The following ELAVL4 variants were observed in gnomAD, a reference collection of about 807,000 sequenced individuals.
The protein encoded by ELAVL4 is ELAV-like protein 4.
ELAVL4 carries 1 observed loss-of-function variant against 35.6 expected under a neutral mutation model. The observed-to-expected ratio is 0.03, with a 90% confidence interval of 0.01 to 0.13. The LOEUF (loss-of-function observed/expected upper bound fraction) is 0.13, where lower values mean the gene tolerates loss of function less well. ELAVL4 is among the 10% of genes least tolerant of loss of function. The pLI is 1.00. For missense variants in ELAVL4, 267 were observed against 464.9 expected (o/e 0.57, Z 3.91); for synonymous variants, 156 against 171.0 (o/e 0.91, Z 0.69).
At chr1:50,168,468 A>G (rs922968776) in intron 2 of ELAVL4, among the ~76,000 whole-genome samples, 3 of 152,304 alleles carry the variant, frequency 2.0e-5, no homozygotes, top group Middle Eastern at 3.4e-3. Flanking sequence ...CTTTCTCTAC[A>G]AGAGATAAGA....
In ELAVL4 at chr1:50,109,183, A is replaced by G; in HGVS notation, c.-7A>G. The stretch of plus-strand genomic sequence containing the variant: ...AGCTCTGCGAGACCCAATATTTGCC[A>G]ATAAGAATGGTTATGGTAGGTATGA... On this transcript the variant is annotated 5_prime_UTR_variant, in exon 1 of 7. Transcript: ENST00000371824. 2 of 1,611,972 alleles carry G rather than the reference A, an allele frequency of 1.2e-6. No homozygotes were observed. The highest frequency in any genetic ancestry group is 1.7e-6 in the Non-Finnish European group (2 of 1,179,094).
intron 6 of ELAVL4, among the ~76,000 whole-genome samples, chr1:50,199,527 A>C (rs757271077): frequency 6.6e-6 from 1 of 152,100 alleles, no homozygotes; most frequent in Non-Finnish European, 1.5e-5. Context: ...CCAACATGGC[A>C]AAACCCCGTC....
chr1:50,164,981 T>A (rs1677485568), intron 2 of ELAVL4, among the ~76,000 whole-genome samples: 1 of 152,194 alleles, frequency 6.6e-6, no homozygotes, highest in South Asian at 2.1e-4. Flanking sequence ...TTGCTCCCAG[T>A]CTAGCGGGGA....
At chr1:50,178,169 C>T (rs1398560826) in intron 3 of ELAVL4, among the ~76,000 whole-genome samples, 1 of 152,210 alleles carries the variant, frequency 6.6e-6, no homozygotes, top group East Asian at 1.9e-4. Flanking sequence ...CCCCATCTTT[C>T]ATAGCCTATT....
intron 1 of ELAVL4, among the ~76,000 whole-genome samples, chr1:50,073,107 C>T (rs1359331826): frequency 6.6e-6 from 1 of 152,194 alleles, no homozygotes; most frequent in Non-Finnish European, 1.5e-5. Flanking sequence ...GCTGTCTTCA[C>T]CTGTGCATTC....
At chr1:50,074,484 C>T (rs1478391398) in intron 1 of ELAVL4, among the ~76,000 whole-genome samples, 2 of 152,308 alleles carry the variant, frequency 1.3e-5, no homozygotes, top group African/African-American at 4.8e-5. Flanking sequence ...AGGTCAGCAA[C>T]CTTTTGTCAA....
At chr1:50,171,236 TAAG>T (rs1340819108) in intron 2 of ELAVL4, among the ~76,000 whole-genome samples, 1 of 152,058 alleles carries the variant, frequency 6.6e-6, no homozygotes, top group African/African-American at 2.4e-5. Context: ...GTCAGTGTGT[TAAG>T]AAGGAGAAGA....
At chr1:50,064,142 G>T (rs927654429) in intron 1 of ELAVL4, among the ~76,000 whole-genome samples, 1 of 152,162 alleles carries the variant, frequency 6.6e-6, no homozygotes, top group Non-Finnish European at 1.5e-5. Flanking sequence ...TGTGTCTGGT[G>T]TGTCATAGAG....
chr1:50,147,237 A>T (rs1673883945), intron 2 of ELAVL4, among the ~76,000 whole-genome samples: 1 of 152,226 alleles, frequency 6.6e-6, no homozygotes, highest in Non-Finnish European at 1.5e-5. Flanking sequence ...GGAATGAGGC[A>T]GGGAAATATA....
At chr1:50,072,177 C>T (rs759379121) in intron 1 of ELAVL4, among the ~76,000 whole-genome samples, 1 of 152,094 alleles carries the variant, frequency 6.6e-6, no homozygotes. Flanking sequence ...AGAGTCAAGA[C>T]AGAAATGGGT....
chr1:50,053,855 G>A (rs987354096), intron 1 of ELAVL4, among the ~76,000 whole-genome samples: 3 of 152,160 alleles, frequency 2.0e-5, no homozygotes, highest in African/African-American at 7.2e-5. Context: ...AGATAAAGAG[G>A]GATAAGGATT....
intron 1 of ELAVL4, among the ~76,000 whole-genome samples, chr1:50,112,631 A>G (rs1039627616): frequency 7.9e-5 from 12 of 152,180 alleles, no homozygotes; most frequent in South Asian, 4.1e-4. Context: ...TAAAATTAAC[A>G]TAGATGAGGA....
intron 3 of ELAVL4, among the ~76,000 whole-genome samples, chr1:50,182,488 C>G (rs887518209): frequency 2.0e-5 from 3 of 152,176 alleles, no homozygotes; most frequent in Non-Finnish European, 2.9e-5. Flanking sequence ...AGGACCAACT[C>G]TAAAGCAGTG....
intron 1 of ELAVL4, among the ~76,000 whole-genome samples, chr1:50,084,149 A>G (rs947792414): frequency 2.0e-5 from 3 of 152,206 alleles, no homozygotes; most frequent in Admixed American, 1.3e-4. Flanking sequence ...TTCAGTGTTA[A>G]CAATTAGGAA....
At chr1:50,100,461 AT>A (rs1164770443), upstream of ELAVL4, among the ~76,000 whole-genome samples, 1 of 152,138 alleles carries the variant, frequency 6.6e-6, no homozygotes, top group Non-Finnish European at 1.5e-5. Flanking sequence ...CTATTCTTAT[AT>A]GAAAAATATT....
intron 1 of ELAVL4, among the ~76,000 whole-genome samples, chr1:50,111,098 T>A (rs1666990275): frequency 6.6e-6 from 1 of 152,064 alleles, no homozygotes; most frequent in Non-Finnish European, 1.5e-5. Flanking sequence ...TTTAGAAATC[T>A]ATTTTTAAGC....
chr1:50,083,011 G>C (rs1665079608), intron 1 of ELAVL4, among the ~76,000 whole-genome samples: 1 of 152,102 alleles, frequency 6.6e-6, no homozygotes, highest in African/African-American at 2.4e-5. Flanking sequence ...GATAGGGAAA[G>C]ATGAAAAAGC....
At position 50,131,738 on chromosome 1, in the gene ELAVL4, A is replaced by G. The variant is rs200923693; in HGVS notation, c.10-13219A>G. On this transcript the variant is annotated intron_variant, in intron 1 of 6. Coordinates refer to ENST00000371824, the MANE Select transcript of ELAVL4 (RefSeq NM_001144774.3). ...CTAGGAGGCGGAGGTTTCAGTGAGC[A>G]GAGATCACAGCACTGCACTCCAGCC... 3.2e-4 allele frequency among the ~76,000 whole-genome samples: 49 copies of G among 152,112 alleles called. 1 individual carries two copies. In the East Asian group the frequency reaches 9.1e-3, roughly 28 times the overall value.
intron 1 of ELAVL4, among the ~76,000 whole-genome samples, chr1:50,083,818 T>A (rs1665117219): frequency 6.6e-6 from 1 of 152,232 alleles, no homozygotes; most frequent in Admixed American, 6.5e-5. Context: ...GGCAGCCACG[T>A]ATCTTAATTT....
Sources: allele counts gnomAD v4.1 joint callset (sites outside exome capture counted in the v4.1 genomes callset), GRCh38; gene constraint gnomAD v4.1.1; transcripts MANE v1.5; gene names NCBI Gene and HGNC (gene_info 2026-07-23, HGNC 2026-07-21).